Variants in WDR35 observed in about 807,000 individuals in gnomAD.
WDR35 encodes the protein WD repeat domain 35, also known as WD repeat-containing protein 35.
Under a neutral mutation model 158.3 loss-of-function variants are expected in WDR35, and 118 were observed. That is an observed-to-expected ratio of 0.75 (90% CI 0.64 to 0.87). The LOEUF (loss-of-function observed/expected upper bound fraction) is 0.87. WDR35 is among the 40% of genes least tolerant of loss of function. The pLI is 0.00. For missense variants in WDR35, 1,263 were observed against 1,405.8 expected, an observed-to-expected ratio of 0.90 and a Z score of 1.62; for synonymous variants, 448 against 476.1, an observed-to-expected ratio of 0.94 and a Z score of 0.77.
intron 19 of WDR35, 135 bp downstream of exon 19, chr2:19,937,608 G>T: frequency 1.7e-6 from 2 of 1,173,818 alleles, no homozygotes; most frequent in Non-Finnish European, 1.2e-6. Context: ...GAATATCTAG[G>T]TTGTAATCCA....
intron 16 of WDR35, among the ~76,000 whole-genome samples, chr2:19,942,798 A>T (rs1260638930): frequency 6.6e-6 from 1 of 152,162 alleles, no homozygotes; most frequent in Non-Finnish European, 1.5e-5. Context: ...TCCAAAATTC[A>T]TTAGCTATCT....
chr2:19,990,029 A>G lies in WDR35; in HGVS notation c.-14T>C. On this transcript the variant is annotated 5_prime_UTR_variant, in exon 1 of 27. Transcript: ENST00000281405. ...GTAGAAGAACATCGTGGGATCCCCG[A>G]GAGGGTCACGGCGGCCGCTAAGGCC... 1.2e-6 allele frequency: 2 copies of G among 1,613,786 alleles called. No homozygotes were observed. The highest frequency in any genetic ancestry group is 1.7e-6 in the Non-Finnish European group (2 of 1,179,892).
At chr2:19,967,624 C>A (rs1276286649) in intron 9 of WDR35, among the ~76,000 whole-genome samples, 2 of 151,666 alleles carry the variant, frequency 1.3e-5, no homozygotes, top group Non-Finnish European at 2.9e-5. Flanking sequence ...AATAAAATAT[C>A]ATGTTGATAT....
intron 25 of WDR35, among the ~76,000 whole-genome samples, chr2:19,920,996 TA>T (rs1670149075): frequency 6.6e-6 from 1 of 151,968 alleles, no homozygotes; most frequent in Non-Finnish European, 1.5e-5. Flanking sequence ...ACAAAGAGAA[TA>T]AAATACCTAG....
intron 3 of WDR35, 63 bp downstream of exon 3, chr2:19,982,400 T>C: frequency 6.8e-7 from 1 of 1,466,992 alleles, no homozygotes; most frequent in Non-Finnish European, 9.5e-7. Context: ...CTGCATTAAG[T>C]AGAAACTTTC....
Position 19,913,327 on chromosome 2 carries a change from G to T in WDR35, c.*231C>A, listed in dbSNP as rs1056233. ...GATAAACAAAAGAGAGAGGGTGAGAGAAAACATGGTTGATTTTCATACATT... is the reference window on the plus strand; with the variant it reads ...GATAAACAAAAGAGAGAGGGTGAGATAAAACATGGTTGATTTTCATACATT... On this transcript the variant is annotated 3_prime_UTR_variant, in exon 27 of 27. Coordinates refer to ENST00000281405, the MANE Select transcript of WDR35 (RefSeq NM_020779.4). 113,521 of 450,740 alleles carry T rather than the reference G, an allele frequency of 0.25. 14,799 individuals are homozygous for T. The highest frequency in any genetic ancestry group is 0.27 in the East Asian group (6,804 of 25,414). The allele number at this position is 450,740 out of a possible 1,614,324, so 27.9% of individuals were successfully genotyped here.
At chr2:19,980,892 G>A in intron 3 of WDR35, 109 bp from the exon 4 acceptor site, 1 of 932,132 alleles carries the variant, frequency 1.1e-6, no homozygotes, top group South Asian at 1.5e-5. Flanking sequence ...TTCCTGTACA[G>A]CTAACTAGTC....
rs184429707 is a variant in WDR35, at chr2:19,978,721, T to C, written c.436+30A>G. 1.8e-4 allele frequency: 291 copies of C among 1,613,340 alleles called. 1 individual carries two copies. Among genetic ancestry groups the C allele is most frequent in the Middle Eastern group, 6.6e-4 (4 of 6,060 alleles). On this transcript the variant is annotated intron_variant, in intron 5 of 26. Transcript: ENST00000281405. ...AAGAAAACTGTCAGCCAGATATTGA[T>C]CTTAGTTCTATGTCCAATCAATACA...
chr2:19,969,395 A>T, intron 9 of WDR35, 85 bp downstream of exon 9: 1 of 1,446,870 alleles, frequency 6.9e-7, no homozygotes, highest in Non-Finnish European at 9.4e-7. Context: ...CTCCTAAAAC[A>T]AGACAGCTTT....
rs777572116 is a variant in WDR35, at chr2:19,932,287, A to G, written c.2819T>C (p.Phe940Ser). ...TCACCAAGATTTTTACATTACCTTA[A>G]ACATCAGTTTAGCTGCATCAAAAAA... The part of the protein sequence containing the change: ...NYFFDAAKLM[F>S]KIADEEAKKG... Residue 940 changes from phenylalanine to serine, a missense_variant, in exon 23 of 27, where the codon TTT (phenylalanine) becomes TCT (serine). Coordinates refer to ENST00000281405, the MANE Select transcript of WDR35 (RefSeq NM_020779.4). The G allele has an allele frequency of 1.9e-6, 3 of 1,613,212 alleles. No individual in the cohort carries two copies. The highest frequency in any genetic ancestry group is 2.5e-6 in the Non-Finnish European group (3 of 1,179,444).
At chr2:19,955,569 T>C (rs937977734) in intron 11 of WDR35, among the ~76,000 whole-genome samples, 1 of 152,090 alleles carries the variant, frequency 6.6e-6, no homozygotes, top group Non-Finnish European at 1.5e-5. Flanking sequence ...TCATACGAAA[T>C]ACATAAAAGC....
At chr2:19,930,257 A>T in intron 25 of WDR35, 139 bp downstream of exon 25, 1 of 1,300,612 alleles carries the variant, frequency 7.7e-7, no homozygotes, top group Non-Finnish European at 1.1e-6. Flanking sequence ...ATGGGAATGC[A>T]TAAGACTCAA....
At chr2:19,967,735 G>A (rs1366472298) in intron 9 of WDR35, among the ~76,000 whole-genome samples, 1 of 151,966 alleles carries the variant, frequency 6.6e-6, no homozygotes, top group Non-Finnish European at 1.5e-5. Context: ...CTTTAAAATA[G>A]TTTTAGATGG....
chr2:19,964,912 T>C (rs1355662810), intron 10 of WDR35, among the ~76,000 whole-genome samples: 3 of 152,126 alleles, frequency 2.0e-5, no homozygotes, highest in African/African-American at 7.2e-5. Context: ...AAGGTAATAT[T>C]AATGGTTCTT....
At chr2:19,966,466 A>G (rs956318869) in intron 10 of WDR35, among the ~76,000 whole-genome samples, 2 of 152,180 alleles carry the variant, frequency 1.3e-5, no homozygotes, top group African/African-American at 4.8e-5. Flanking sequence ...TATTTTAAAT[A>G]TATTTCAGAA....
chr2:19,927,766 T>C (rs935764858), intron 25 of WDR35, among the ~76,000 whole-genome samples: 31 of 152,218 alleles, frequency 2.0e-4, no homozygotes, highest in Non-Finnish European at 2.5e-4. Flanking sequence ...CTGACCTTAA[T>C]GCCAAGAACT....
At position 19,953,827 on chromosome 2, in the gene WDR35, G is replaced by A; in HGVS notation, c.1400+7C>T. 1 of 1,613,962 alleles carries A rather than the reference G, an allele frequency of 6.2e-7. No homozygotes were observed. On this transcript the variant is annotated splice_region_variant and intron_variant, in intron 12 of 26. Transcript: ENST00000281405. ...AGCTACTAAAAAGTATGTATCAAAA[G>A]ATATACCTTTCTCTCCCTTCTTTTC...
chr2:19,972,582 A>G (rs1672064798), intron 8 of WDR35, among the ~76,000 whole-genome samples: 1 of 152,026 alleles, frequency 6.6e-6, no homozygotes, highest in Non-Finnish European at 1.5e-5. Context: ...TCACTTTTAC[A>G]TCTACGAGAA....
chr2:19,916,184 G>C lies in WDR35; in HGVS notation c.3122-1907C>G, dbSNP rs765508006. On this transcript the variant is annotated intron_variant, in intron 25 of 26. Transcript: ENST00000281405. ...TCTCCTAGCCAAGGGAAGCCATTAG[G>C]GACTGTACCGTGCACTCCGGCCCAG... is the stretch of plus-strand genomic sequence containing the variant. 3.0e-4 allele frequency among the ~76,000 whole-genome samples: 45 copies of C among 152,144 alleles called. 1 individual carries two copies. The highest frequency in any genetic ancestry group is 5.4e-4 in the Non-Finnish European group (37 of 68,036).
Sources: gnomAD v4.1 joint callset for allele counts (sites outside exome capture counted in the v4.1 genomes callset) on GRCh38, gnomAD v4.1.1 for gene constraint, MANE v1.5 for transcripts, NCBI Gene and HGNC (gene_info 2026-07-23, HGNC 2026-07-21) for gene names.